The following BPTF variants were observed in gnomAD, a reference collection of about 807,000 sequenced individuals.
BPTF encodes bromodomain PHD finger transcription factor.
BPTF carries 18 observed loss-of-function variants against 292.5 expected under a neutral mutation model. That is an observed-to-expected ratio of 0.06 (90% confidence interval 0.04 to 0.09). The LOEUF is 0.09. Among genes scored for constraint, BPTF ranks in the 10% least tolerant of loss-of-function variants. BPTF has a pLI of 1.00. For missense variants in BPTF, 2,726 were observed against 3,498.7 expected (o/e 0.78, Z 5.57); for synonymous variants, 1,225 against 1,251.9 (o/e 0.98, Z 0.45).
chr17:67,890,049 G>T (rs2146217904), intron 4 of BPTF, among the ~76,000 whole-genome samples: 1 of 152,154 alleles, frequency 6.6e-6, no homozygotes, highest in African/African-American at 2.4e-5. Flanking sequence ...TAAAAATCGG[G>T]GCTGGAAATT....
chr17:67,834,749 G>A (rs1221728784), intron 1 of BPTF, among the ~76,000 whole-genome samples: 4 of 151,966 alleles, frequency 2.6e-5, no homozygotes, highest in African/African-American at 9.7e-5. Context: ...CTTTGGGCAG[G>A]GACAGTCTCA....
chr17:67,842,703 C>G (rs1165417054), intron 1 of BPTF, among the ~76,000 whole-genome samples: 2 of 151,336 alleles, frequency 1.3e-5, no homozygotes, highest in Non-Finnish European at 2.9e-5. Flanking sequence ...AGAGACTGTC[C>G]CCAACTTTAA....
At chr17:67,952,892 T>A (rs2066512998) in intron 23 of BPTF, among the ~76,000 whole-genome samples, 1 of 152,200 alleles carries the variant, frequency 6.6e-6, no homozygotes. Flanking sequence ...GATAAAATAA[T>A]TTGTTTTTTA....
chr17:67,904,201 G>A (rs760509259), intron 8 of BPTF, among the ~76,000 whole-genome samples: 4 of 151,864 alleles, frequency 2.6e-5, no homozygotes, highest in Admixed American at 6.6e-5. Flanking sequence ...GCTAATTTTT[G>A]TATTTTTAGT....
intron 3 of BPTF, among the ~76,000 whole-genome samples, chr17:67,867,691 GC>G (rs1324202311): frequency 5.3e-5 from 8 of 152,142 alleles, no homozygotes; most frequent in African/African-American, 1.9e-4. Flanking sequence ...TTTGTAGAAA[GC>G]CCTCATTATG....
chr17:67,894,000 T>C, intron 6 of BPTF, 34 bp from the exon 7 acceptor site: 9 of 1,605,158 alleles, frequency 5.6e-6, no homozygotes, highest in Non-Finnish European at 7.7e-6. Flanking sequence ...GTCAACCTAG[T>C]GAAATAATTT....
chr17:67,976,714 A>AAAAAAAAAAAAAAAAAAAAG (rs1555694156), intron 27 of BPTF, among the ~76,000 whole-genome samples: 2 of 116,588 alleles, frequency 1.7e-5, no homozygotes, highest in African/African-American at 7.1e-5. Context: ...AAAAAAAAAA[A>AAAAAAAAAAAAAAAAAAAAG]ATAAGAATAA....
Position 67,946,140 on chromosome 17 carries a change from A to G in BPTF, c.7432A>G (p.Ser2478Gly). ...KLQLPIQIQQ[S>G]SAVQTHQIQN... ...CCAGTTACCTATCCAAATTCAGCAA[A>G]GCAGTGCTGTGCAGACTCACCAGAT... Residue 2478 changes from serine (S) to glycine (G), a missense_variant, in exon 21 of 28, where the codon AGC (serine) becomes GGC (glycine). Physicochemically the swap from Ser to Gly is moderately conservative, Grantham distance 56 (BLOSUM62 0). Transcript: ENST00000306378. The G allele has an allele frequency of 6.2e-7, 1 of 1,614,190 alleles. No homozygotes were observed. The highest frequency in any genetic ancestry group is 8.5e-7 in the Non-Finnish European group (1 of 1,180,042).
intron 21 of BPTF, among the ~76,000 whole-genome samples, chr17:67,946,570 G>C (rs982055022): frequency 6.6e-6 from 1 of 152,226 alleles, no homozygotes; most frequent in Non-Finnish European, 1.5e-5. Context: ...GGAGGACTAA[G>C]ATGGGAAGAA....
chr17:67,957,565 C>T (rs2067076768), intron 23 of BPTF, among the ~76,000 whole-genome samples: 1 of 152,118 alleles, frequency 6.6e-6, no homozygotes, highest in Non-Finnish European at 1.5e-5. Context: ...ATTTTTAAGT[C>T]AGATTTTAAG....
At chr17:67,908,707 C>A (rs1392467382) in intron 9 of BPTF, among the ~76,000 whole-genome samples, 1 of 150,096 alleles carries the variant, frequency 6.7e-6, no homozygotes, top group African/African-American at 2.5e-5. Context: ...CTAGGCTGGT[C>A]TTGAACTCCT....
chr17:67,964,828 TCTC>T (rs1301184509), intron 25 of BPTF, among the ~76,000 whole-genome samples: 1 of 147,916 alleles, frequency 6.8e-6, no homozygotes, highest in East Asian at 2.0e-4. Flanking sequence ...TGAAACCCCG[TCTC>T]TACTAAAAAT....
At chr17:67,943,805 T>A (rs1206493186) in intron 19 of BPTF, among the ~76,000 whole-genome samples, 1 of 152,210 alleles carries the variant, frequency 6.6e-6, no homozygotes, top group Admixed American at 6.5e-5. Flanking sequence ...TTGTAAAATA[T>A]GAATATAAGA....
At position 67,909,710 on chromosome 17, in the gene BPTF, G is replaced by A. The variant is rs540104445; in HGVS notation, c.2941G>A (p.Ala981Thr). The A allele has an allele frequency of 2.1e-5, 34 of 1,594,144 alleles. No homozygotes were observed. Among genetic ancestry groups the A allele is most frequent in the South Asian group, 1.3e-4 (11 of 85,114 alleles). Residue 981 changes from alanine to threonine, a missense_variant, in exon 10 of 28, where the codon GCA (alanine) becomes ACA (threonine). Ala to Thr is a moderately conservative substitution (Grantham distance 58). Coordinates refer to ENST00000306378, the MANE Select transcript of BPTF (RefSeq NM_182641.4). ...AAAAGGTTCAGATGCTGCAAAAGGAGCAGACCAAAATGAAATGGATATCTC... is the reference window on the plus strand; with the variant it reads ...AAAAGGTTCAGATGCTGCAAAAGGAACAGACCAAAATGAAATGGATATCTC... Reference protein sequence around the residue: ...EVKGSDAAKGADQNEMDISKI... With the variant: ...EVKGSDAAKGTDQNEMDISKI...
rs2067688947 is a variant in BPTF at position 67,963,198 on chromosome 17, A to G, written c.8262-1014A>G. 2.7e-6 allele frequency: 3 copies of G among 1,107,388 alleles called. No individual in the cohort carries two copies. In the East Asian group the frequency reaches 8.3e-5, roughly 31 times the overall value. The allele number at this position is 1,107,388 out of a possible 1,614,324, so 68.6% of individuals were successfully genotyped here. A position where few individuals can be genotyped will look rare whatever the true frequency, so the allele number is the denominator to read the frequency against. On this transcript the variant is annotated intron_variant, in intron 24 of 27. Transcript: ENST00000306378. Reference sequence around the variant, plus strand: ...AGTTTGCCAGGAGTAGAATGGTTGGATTCAGAAATGTTTAGCTGACTCATT... The same window carrying G: ...AGTTTGCCAGGAGTAGAATGGTTGGGTTCAGAAATGTTTAGCTGACTCATT...
At chr17:67,892,265 T>C (rs949266011) in intron 5 of BPTF, among the ~76,000 whole-genome samples, 3 of 152,250 alleles carry the variant, frequency 2.0e-5, no homozygotes, top group African/African-American at 7.2e-5. Flanking sequence ...AAATGGCTGA[T>C]ACACTTTCTT....
intron 4 of BPTF, among the ~76,000 whole-genome samples, chr17:67,887,172 A>G (rs1469232411): frequency 6.6e-6 from 1 of 152,236 alleles, no homozygotes; most frequent in African/African-American, 2.4e-5. Context: ...GCCAATGGTG[A>G]AAAGTATTTC....
chr17:67,834,579 A>G (rs2056980765), intron 1 of BPTF, among the ~76,000 whole-genome samples: 1 of 152,058 alleles, frequency 6.6e-6, no homozygotes, highest in Non-Finnish European at 1.5e-5. Context: ...TTGAGGCTTT[A>G]TATTCATGTA....
rs1294335344 is a variant in BPTF at position 67,963,692 on chromosome 17, T to C, written c.8262-520T>C. ...ACCCTTCAAAATTTATCTTGCTTCA[T>C]AGTGAATGTTTGAGACACATTGGGG... On this transcript the variant is annotated intron_variant, in intron 24 of 27. Transcript: ENST00000306378. 2.8e-4 allele frequency among the ~76,000 whole-genome samples: 42 copies of C among 152,332 alleles called. 1 individual carries two copies. Among genetic ancestry groups the C allele is most frequent in the Admixed American group, 2.7e-3 (41 of 15,294 alleles).
Sources: allele counts gnomAD v4.1 joint callset (sites outside exome capture counted in the v4.1 genomes callset), GRCh38; gene constraint gnomAD v4.1.1; transcripts MANE v1.5; gene names NCBI Gene and HGNC (gene_info 2026-07-23, HGNC 2026-07-21).